Variants in ERBIN observed in about 807,000 individuals in gnomAD.
The protein encoded by ERBIN is densin-180-like protein.
A neutral mutation model predicts 158.4 loss-of-function variants in ERBIN; 60 were observed. The ratio of observed to expected loss-of-function variants is 0.38; its 90% CI spans 0.31 to 0.47. ERBIN has a LOEUF of 0.47. Ranked by LOEUF, ERBIN falls within the 20% of genes least tolerant of loss-of-function variation. The pLI is 0.99. For missense variants in ERBIN, 1,610 were observed against 1,648.0 expected, an observed-to-expected ratio of 0.98 and a Z score of 0.40; for synonymous variants, 594 against 557.2, an observed-to-expected ratio of 1.07 and a Z score of -0.93.
At chr5:65,977,386 C>T (rs1376431652) in intron 1 of ERBIN, among the ~76,000 whole-genome samples, 12 of 149,618 alleles carry the variant, frequency 8.0e-5, no homozygotes, top group African/African-American at 3.0e-4. Flanking sequence ...CGGAGGGGCT[C>T]CTCACTTCTC....
intron 21 of ERBIN, 113 bp downstream of exon 21, chr5:66,055,064 T>C (rs961649723): frequency 5.6e-6 from 8 of 1,427,758 alleles, no homozygotes. Flanking sequence ...TCTAGGTGTT[T>C]TTCTCTGGTA....
intron 4 of ERBIN, among the ~76,000 whole-genome samples, chr5:66,007,291 A>G (rs923620045): frequency 1.3e-5 from 2 of 152,180 alleles, no homozygotes; most frequent in African/African-American, 4.8e-5. Context: ...TCACAGGGAC[A>G]GGGAACCAAA....
chr5:66,046,576 C>T (rs1758469202), intron 18 of ERBIN, 38 bp downstream of exon 18: 1 of 1,421,796 alleles, frequency 7.0e-7, no homozygotes, highest in Non-Finnish European at 9.4e-7. Context: ...ACTATAAGAA[C>T]TTTCAATTTA....
rs1235451868 is a variant in ERBIN, at chr5:66,081,949, T to C, written c.*3419T>C. ...TAGACAGGCAGCCAACTCAGACCTT[T>C]GGGTATTCCTTTGTTTCTAAATAAG... On this transcript the variant is annotated 3_prime_UTR_variant, in exon 26 of 26. Transcript: ENST00000284037. 6.6e-6 allele frequency: 1 copy of C among 152,008 alleles called. No homozygotes were observed. The highest frequency in any genetic ancestry group is 1.5e-5 in the Non-Finnish European group (1 of 67,954). The allele number at this position is 152,008 out of a possible 1,614,324, so 9.4% of individuals were successfully genotyped here.
chr5:65,929,789 C>A (rs1743143113), intron 1 of ERBIN, among the ~76,000 whole-genome samples: 1 of 152,034 alleles, frequency 6.6e-6, no homozygotes, highest in African/African-American at 2.4e-5. Context: ...TACAAGCGCA[C>A]ATCATCATGC....
At chr5:66,066,019 C>G (rs1340657079) in intron 21 of ERBIN, among the ~76,000 whole-genome samples, 2 of 152,024 alleles carry the variant, frequency 1.3e-5, no homozygotes, top group African/African-American at 4.8e-5. Context: ...TGAAAATTAA[C>G]TCTTTATTTC....
At chr5:65,930,471 C>A (rs1743229672) in intron 1 of ERBIN, among the ~76,000 whole-genome samples, 1 of 152,160 alleles carries the variant, frequency 6.6e-6, no homozygotes, top group Admixed American at 6.5e-5. Context: ...CTGTGCCCGG[C>A]TAATTTTTTT....
chr5:65,946,486 A>C (rs1208844213), intron 1 of ERBIN, among the ~76,000 whole-genome samples: 1 of 152,212 alleles, frequency 6.6e-6, no homozygotes, highest in East Asian at 1.9e-4. Context: ...ATTTTTATTG[A>C]GTAGTACTCC....
chr5:65,936,878 T>G (rs1744151341), intron 1 of ERBIN, among the ~76,000 whole-genome samples: 1 of 152,222 alleles, frequency 6.6e-6, no homozygotes. Context: ...AAATTCCCTC[T>G]GAAGAGTGTG....
intron 1 of ERBIN, among the ~76,000 whole-genome samples, chr5:65,972,230 A>G (rs1266635719): frequency 1.3e-5 from 2 of 152,172 alleles, no homozygotes; most frequent in Non-Finnish European, 2.9e-5. Flanking sequence ...TTGCAGCAAA[A>G]ACAAAAATCC....
At position 66,025,547 on chromosome 5, in the gene ERBIN, A is replaced by G. The variant is rs774800199; in HGVS notation, c.885A>G (p.Ile295Met). 1.9e-6 allele frequency: 3 copies of G among 1,610,716 alleles called. No homozygotes were observed. In the African/African-American group the frequency reaches 4.0e-5, roughly 22 times the overall value. The change falls in exon 11 of 26, where the codon ATA becomes ATG. Residue 295 changes from isoleucine to methionine, a missense_variant. Physicochemically the swap from Ile to Met is conservative, Grantham distance 10. Coordinates refer to ENST00000284037, the MANE Select transcript of ERBIN (RefSeq NM_001253697.2). ...ENQLMYLPDS[I>M]GGLISVEELD... Reference sequence around the variant, plus strand: ...AGTTAATGTATCTGCCAGACTCTATAGGAGGGTAAGTTTTTTGTGAATGTA... The same window carrying G: ...AGTTAATGTATCTGCCAGACTCTATGGGAGGGTAAGTTTTTTGTGAATGTA...
intron 11 of ERBIN, 145 bp from the exon 12 acceptor site, chr5:66,025,703 A>G: frequency 1.2e-6 from 1 of 852,990 alleles, no homozygotes; most frequent in Middle Eastern, 3.6e-4. Context: ...TGATAGACAA[A>G]CCTACTTATT....
In ERBIN at chr5:66,080,546, T is replaced by A. The variant is rs1248414853; in HGVS notation, c.*2016T>A. ...CGGTGTTCCCTTTATTCTTAGTTTG[T>A]TTTTAAATATTAATTTTGGCATTCT... On this transcript the variant is annotated 3_prime_UTR_variant, in exon 26 of 26. Transcript: ENST00000284037. 1 of 152,072 alleles carries A rather than the reference T, an allele frequency of 6.6e-6. No individual in the cohort carries two copies. Among genetic ancestry groups the A allele is most frequent in the African/African-American group, 2.4e-5 (1 of 41,448 alleles). 9.4% of individuals were successfully genotyped at this position (152,072 alleles called of 1,614,324 possible).
intron 1 of ERBIN, among the ~76,000 whole-genome samples, chr5:65,955,894 C>T (rs1747052429): frequency 6.6e-6 from 1 of 152,182 alleles, no homozygotes; most frequent in Admixed American, 6.5e-5. Context: ...AAATCTTGTG[C>T]CATCATGCAC....
intron 21 of ERBIN, among the ~76,000 whole-genome samples, chr5:66,057,569 A>G (rs1275574683): frequency 1.3e-5 from 2 of 152,122 alleles, no homozygotes; most frequent in Non-Finnish European, 2.9e-5. Context: ...TTATTATTAT[A>G]CTTTAAGTTT....
In ERBIN at chr5:65,957,473, G is replaced by C. The variant is rs916575113; in HGVS notation, c.-58+30667G>C. Among the ~76,000 whole-genome samples the C allele has an allele frequency of 2.6e-4, 39 of 152,236 alleles. 1 individual carries two copies. The highest frequency in any genetic ancestry group is 3.4e-3 in the Middle Eastern group (1 of 294). ...TGTTTAACAAAGCACATCTTGCACC[G>C]CCCTTAATCCATTTAACCCTGAGTA... On this transcript the variant is annotated intron_variant, in intron 1 of 25. Coordinates refer to ENST00000284037, the MANE Select transcript of ERBIN (RefSeq NM_001253697.2).
rs765892996 is a variant in ERBIN, at chr5:66,043,372, C to T, written c.1428+174C>T. On this transcript the variant is annotated intron_variant, in intron 16 of 25. Coordinates refer to ENST00000284037, the MANE Select transcript of ERBIN (RefSeq NM_001253697.2). ...TTTCAGACATGAAAGAATTTGGGAA[C>T]AATATAAAACTATGTGATTTAAAGC... Among the ~76,000 whole-genome samples, 27 of 151,874 alleles carry T rather than the reference C, an allele frequency of 1.8e-4. 1 individual carries two copies. Among genetic ancestry groups the T allele is most frequent in the Admixed American group, 7.9e-4 (12 of 15,240 alleles).
intron 21 of ERBIN, among the ~76,000 whole-genome samples, chr5:66,071,484 A>G (rs373172660): frequency 5.2e-4 from 79 of 152,334 alleles, no homozygotes; most frequent in South Asian, 3.3e-3. Flanking sequence ...GCCTATAAAG[A>G]TATTAACCAG....
At chr5:66,007,591 CAG>C (rs1444845319) in intron 4 of ERBIN, among the ~76,000 whole-genome samples, 6 of 149,772 alleles carry the variant, frequency 4.0e-5, no homozygotes, top group Non-Finnish European at 8.9e-5. Flanking sequence ...CAACATTTAA[CAG>C]ATCTGGAAGA....
Sources: gnomAD v4.1 joint callset for allele counts (sites outside exome capture counted in the v4.1 genomes callset) on GRCh38, gnomAD v4.1.1 for gene constraint, MANE v1.5 for transcripts, NCBI Gene and HGNC (gene_info 2026-07-23, HGNC 2026-07-21) for gene names.